TENM4: variants seen among roughly 807,000 people sequenced by gnomAD.
The protein encoded by TENM4 is teneurin-4.
In TENM4, 82 loss-of-function variants were observed where a neutral mutation model predicts 243.3. The ratio of observed to expected loss-of-function variants is 0.34; its 90% CI spans 0.28 to 0.40. TENM4 has a LOEUF of 0.40. Ranked by LOEUF, TENM4 falls within the 10% of genes least tolerant of loss-of-function variation. TENM4 has a pLI of 1.00. For synonymous variants in TENM4, 1,412 were observed against 1,456.3 expected (o/e 0.97, Z 0.69); for missense variants, 3,138 against 3,673.3 (o/e 0.85, Z 3.77).
intron 4 of TENM4, among the ~76,000 whole-genome samples, chr11:79,090,297 TAAC>T (rs1860914289): frequency 6.6e-6 from 1 of 152,226 alleles, no homozygotes; most frequent in Non-Finnish European, 1.5e-5. Context: ...TTGAAAAATA[TAAC>T]AACAGGCAGT....
chr11:79,113,483 A>G (rs1455220212), intron 4 of TENM4, among the ~76,000 whole-genome samples: 2 of 151,402 alleles, frequency 1.3e-5, no homozygotes, highest in African/African-American at 4.9e-5. Context: ...ATCCATTTTA[A>G]TCACCCTCTG....
At chr11:78,966,498 T>C (rs1418230811) in intron 6 of TENM4, among the ~76,000 whole-genome samples, 1 of 151,908 alleles carries the variant, frequency 6.6e-6, no homozygotes, top group Non-Finnish European at 1.5e-5. Flanking sequence ...GGAGATACAA[T>C]TAGGAAGCAC....
intron 6 of TENM4, among the ~76,000 whole-genome samples, chr11:79,049,166 A>G (rs572275544): frequency 6.6e-6 from 1 of 152,232 alleles, no homozygotes; most frequent in East Asian, 1.9e-4. Flanking sequence ...CAGCACACAG[A>G]CAGTCACTGG....
chr11:78,853,955 G>T, intron 12 of TENM4, 149 bp downstream of exon 12: 1 of 735,814 alleles, frequency 1.4e-6, no homozygotes, highest in Non-Finnish European at 2.1e-6. Context: ...TCCCTGTGTA[G>T]CAGGCCCAGT....
At chr11:79,147,521 G>A (rs1436297470) in intron 4 of TENM4, among the ~76,000 whole-genome samples, 1 of 152,092 alleles carries the variant, frequency 6.6e-6, no homozygotes, top group Non-Finnish European at 1.5e-5. Flanking sequence ...GTTTGCATGA[G>A]AGTTTATGAG....
intron 6 of TENM4, among the ~76,000 whole-genome samples, chr11:79,060,852 C>T (rs190302287): frequency 1.3e-5 from 2 of 152,320 alleles, no homozygotes; most frequent in Admixed American, 6.5e-5. Context: ...TGCTCTACCC[C>T]TGAGAAGTGA....
intron 6 of TENM4, among the ~76,000 whole-genome samples, chr11:78,995,062 G>A (rs1009737103): frequency 1.4e-4 from 21 of 152,274 alleles, no homozygotes; most frequent in African/African-American, 4.1e-4. Context: ...GAGTGCTATC[G>A]GGTAAGGGAG....
At chr11:78,839,545 ATGT>A (rs760991676) in intron 12 of TENM4, among the ~76,000 whole-genome samples, 3 of 151,938 alleles carry the variant, frequency 2.0e-5, no homozygotes, top group Non-Finnish European at 2.9e-5. Context: ...TTTTCAGTTA[ATGT>A]TTTTTTTTTC....
At chr11:78,828,606 T>C (rs906785219) in intron 12 of TENM4, among the ~76,000 whole-genome samples, 5 of 152,224 alleles carry the variant, frequency 3.3e-5, no homozygotes, top group African/African-American at 4.8e-5. Flanking sequence ...GTCTATATCT[T>C]TGAGCCAGAG....
intron 4 of TENM4, among the ~76,000 whole-genome samples, chr11:79,125,911 A>G (rs1353042750): frequency 6.6e-6 from 1 of 152,188 alleles, no homozygotes; most frequent in African/African-American, 2.4e-5. Context: ...GCTACACTCA[A>G]AAAGAACTGC....
At chr11:79,224,451 G>A (rs1321122864) in intron 2 of TENM4, among the ~76,000 whole-genome samples, 1 of 152,078 alleles carries the variant, frequency 6.6e-6, no homozygotes, top group African/African-American at 2.4e-5. Context: ...AGTGCAAATG[G>A]TAAGATGCAA....
intron 1 of TENM4, among the ~76,000 whole-genome samples, chr11:79,393,961 G>A (rs1367541372): frequency 6.6e-6 from 1 of 152,086 alleles, no homozygotes; most frequent in Non-Finnish European, 1.5e-5. Context: ...AGGAGGGAGG[G>A]GAGCAGACGA....
At chr11:79,239,511 A>C (rs1326791541) in intron 2 of TENM4, among the ~76,000 whole-genome samples, 1 of 152,158 alleles carries the variant, frequency 6.6e-6, no homozygotes, top group Non-Finnish European at 1.5e-5. Flanking sequence ...AGGAGATGGC[A>C]GAGACCTGGA....
At chr11:79,311,457 G>A (rs1015341482) in intron 1 of TENM4, among the ~76,000 whole-genome samples, 1 of 152,182 alleles carries the variant, frequency 6.6e-6, no homozygotes, top group Non-Finnish European at 1.5e-5. Flanking sequence ...GGCATTGAGG[G>A]GAACAGACAC....
chr11:79,307,390 G>A (rs1302998444), intron 1 of TENM4, among the ~76,000 whole-genome samples: 2 of 152,040 alleles, frequency 1.3e-5, no homozygotes, highest in Non-Finnish European at 2.9e-5. Context: ...TAGAAACCTA[G>A]GTCACTCCTG....
At chr11:79,028,583 G>T (rs1488220790) in intron 6 of TENM4, among the ~76,000 whole-genome samples, 15 of 152,204 alleles carry the variant, frequency 9.9e-5, no homozygotes, top group African/African-American at 3.4e-4. Context: ...TTCACATGGA[G>T]GACTCACTGG....
intron 12 of TENM4, among the ~76,000 whole-genome samples, chr11:78,852,086 G>A (rs922613719): frequency 6.6e-6 from 1 of 152,200 alleles, no homozygotes; most frequent in Non-Finnish European, 1.5e-5. Flanking sequence ...CCACTGGGCT[G>A]GGTGCCAGGA....
At chr11:78,758,852 C>G (rs1856370234) in intron 18 of TENM4, among the ~76,000 whole-genome samples, 1 of 152,178 alleles carries the variant, frequency 6.6e-6, no homozygotes, top group Non-Finnish European at 1.5e-5. Flanking sequence ...CTGAAACTTA[C>G]TAGTGTGTGA....
intron 3 of TENM4, among the ~76,000 whole-genome samples, chr11:79,160,523 A>C (rs1261288007): frequency 6.6e-6 from 1 of 152,068 alleles, no homozygotes; most frequent in African/African-American, 2.4e-5. Context: ...GGCATCTCGG[A>C]GAGCAGCAGA....
Sources: allele counts gnomAD v4.1 joint callset (sites outside exome capture counted in the v4.1 genomes callset), GRCh38; gene constraint gnomAD v4.1.1; transcripts MANE v1.5; gene names NCBI Gene and HGNC (gene_info 2026-07-23, HGNC 2026-07-21).